GSE1: variants seen among roughly 807,000 people sequenced by gnomAD.
GSE1 encodes the protein genetic suppressor element 1.
GSE1 carries 32 observed loss-of-function variants against 112.6 expected under a neutral mutation model. The observed-to-expected ratio is 0.28, with a 90% CI of 0.21 to 0.38. The LOEUF (loss-of-function observed/expected upper bound fraction) is 0.38, where lower values mean the gene tolerates loss of function less well. Ranked by LOEUF, GSE1 falls within the 10% of genes least tolerant of loss-of-function variation. GSE1 has a pLI of 1.00. For missense variants in GSE1, 2,348 were observed against 1,699.2 expected (o/e 1.38, Z -6.71); for synonymous variants, 1,115 against 735.6 (o/e 1.52, Z -8.35).
At chr16:85,411,048 CA>C (rs767074543) in intron 2 of GSE1, among the ~76,000 whole-genome samples, 3 of 91,018 alleles carry the variant, frequency 3.3e-5, no homozygotes, top group African/African-American at 6.3e-5. Flanking sequence ...ACTCTCAGGC[CA>C]CCCGGATAAT....
At chr16:85,377,874 C>T (rs1264531256) in intron 2 of GSE1, among the ~76,000 whole-genome samples, 1 of 152,254 alleles carries the variant, frequency 6.6e-6, no homozygotes, top group Non-Finnish European at 1.5e-5. Context: ...TCCTCGTCCA[C>T]ACCAGCATCC....
chr16:85,281,698 T>C (rs1158833741), intron 1 of GSE1, among the ~76,000 whole-genome samples: 1 of 152,192 alleles, frequency 6.6e-6, no homozygotes, highest in Non-Finnish European at 1.5e-5. Flanking sequence ...CCAAGGTGCA[T>C]GGACGTGGTT....
rs1275106790 is a variant in GSE1, at chr16:85,311,626, C to T, written c.2284-45837C>T. Among the ~76,000 whole-genome samples the T allele has an allele frequency of 3.9e-5, 6 of 152,158 alleles. No individual in the cohort carries two copies. The South Asian group carries it at 1.2e-3, about 31-fold the overall frequency. On this transcript the variant is annotated intron_variant, in intron 1 of 2. Coordinates refer to the GSE1 transcript ENST00000637419. The surrounding 1 kb of genome is among the most constrained non-coding windows in gnomAD (Gnocchi z 4.2). ...TTCTGCTTCGGTGCCCCTGGGGGTC[C>T]TTCTCCAGGGCCCCTTGGGCTGTGT...
intron 2 of GSE1, among the ~76,000 whole-genome samples, chr16:85,399,691 C>T (rs762411456): frequency 2.6e-5 from 4 of 152,190 alleles, no homozygotes; most frequent in Non-Finnish European, 4.4e-5. Context: ...CTGCCGTAGG[C>T]GTGGGGGATG....
At chr16:85,408,556 C>A (rs1245762974) in intron 2 of GSE1, among the ~76,000 whole-genome samples, 1 of 33,874 alleles carries the variant, frequency 3.0e-5, no homozygotes, top group African/African-American at 1.3e-4. Context: ...TCAGGGCCCC[C>A]CGGATAATCC....
At chr16:85,197,341 G>A (rs1353929550) in intron 1 of GSE1, among the ~76,000 whole-genome samples, 1 of 152,200 alleles carries the variant, frequency 6.6e-6, no homozygotes, top group Non-Finnish European at 1.5e-5. Flanking sequence ...ACTAGCCACA[G>A]AGAGAAGAGC....
chr16:85,499,940 C>G (rs1487948569), intron 2 of GSE1, among the ~76,000 whole-genome samples: 1 of 152,214 alleles, frequency 6.6e-6, no homozygotes, highest in Admixed American at 6.5e-5. Flanking sequence ...GGAGACGTTT[C>G]TTCATTTGGA....
rs1386212129 is a variant in GSE1, at chr16:85,525,357, A to C, written c.2465-108557A>C. Among the ~76,000 whole-genome samples, 4 of 141,992 alleles carry C rather than the reference A, an allele frequency of 2.8e-5. No homozygotes were observed. The East Asian group carries it at 7.8e-4, about 28-fold the overall frequency. 93.2% of individuals were successfully genotyped at this position (141,992 alleles called of 152,430 possible). A position where few individuals can be genotyped will look rare whatever the true frequency, so the allele number is the denominator to read the frequency against. ...GGCCCAGTGCGGCTGGCTCAGCCCG[A>C]GGGAAGGGCGGCTGTGGGAGAGCAG... On this transcript the variant is annotated intron_variant, in intron 2 of 2. Coordinates refer to the GSE1 transcript ENST00000637419.
intron 1 of GSE1, among the ~76,000 whole-genome samples, chr16:85,242,963 C>T (rs1051297906): frequency 2.6e-5 from 4 of 152,154 alleles, no homozygotes; most frequent in African/African-American, 4.8e-5. Flanking sequence ...AGGTGCACAC[C>T]ACCAAGTCCA....
intron 2 of GSE1, among the ~76,000 whole-genome samples, chr16:85,423,005 C>G (rs895773366): frequency 1.3e-5 from 2 of 152,224 alleles, no homozygotes; most frequent in Non-Finnish European, 2.9e-5. Flanking sequence ...GTAAACACCA[C>G]TACTCCCAGC....
At chr16:85,494,021 C>G (rs1330135385) in intron 2 of GSE1, among the ~76,000 whole-genome samples, 1 of 152,218 alleles carries the variant, frequency 6.6e-6, no homozygotes, top group Non-Finnish European at 1.5e-5. Flanking sequence ...GAGTTTGAGG[C>G]TACAGTCACA....
chr16:85,666,636 G>A (rs2052885762), intron 13 of GSE1: 1 of 424,564 alleles, frequency 2.4e-6, no homozygotes, highest in Non-Finnish European at 4.2e-6. Flanking sequence ...AACGCCGACA[G>A]GCATTGGTTT....
At chr16:85,305,559 C>T (rs2045655755) in intron 1 of GSE1, among the ~76,000 whole-genome samples, 2 of 152,248 alleles carry the variant, frequency 1.3e-5, no homozygotes, top group Middle Eastern at 3.4e-3. Flanking sequence ...CAGCTCACTG[C>T]AACCTCCGCC....
At chr16:85,579,676 G>T (rs2046370790) in intron 1 of GSE1, among the ~76,000 whole-genome samples, 1 of 152,226 alleles carries the variant, frequency 6.6e-6, no homozygotes, top group Admixed American at 6.5e-5. Context: ...TTCCTAGTCA[G>T]AGTCCTCCAA....
chr16:85,179,252 C>G (rs1040185866), intron 1 of GSE1, among the ~76,000 whole-genome samples: 1 of 152,182 alleles, frequency 6.6e-6, no homozygotes, highest in African/African-American at 2.4e-5. Flanking sequence ...GTGGAATCAT[C>G]TAATTCGTGC....
At chr16:85,410,921 CT>C (rs761826705) in intron 2 of GSE1, among the ~76,000 whole-genome samples, 2,243 of 39,940 alleles carry the variant, frequency 0.056, 1 homozygote, top group East Asian at 0.092. Flanking sequence ...CAGGGCCCCC[CT>C]GGATAATCCT....
intron 2 of GSE1, among the ~76,000 whole-genome samples, chr16:85,482,636 ACAGAT>A (rs1252902495): frequency 1.3e-5 from 2 of 152,196 alleles, no homozygotes; most frequent in African/African-American, 4.8e-5. Flanking sequence ...GCTTGTATGT[ACAGAT>A]CAGGCACCCC....
intron 1 of GSE1, among the ~76,000 whole-genome samples, chr16:85,220,385 C>T (rs2075370615): frequency 2.6e-5 from 4 of 152,190 alleles, no homozygotes; most frequent in South Asian, 2.1e-4. Context: ...GGCGAGCGGG[C>T]GGCGGCGCAG....
At chr16:85,670,853 T>TGTG (rs1240421226) in intron 14 of GSE1, 142 bp from the exon 15 acceptor site, 1 of 614,224 alleles carries the variant, frequency 1.6e-6, no homozygotes, top group Non-Finnish European at 3.0e-6. Flanking sequence ...CTGGGAGCAT[T>TGTG]GTGGTCCACA....
Sources: allele counts gnomAD v4.1 joint callset (sites outside exome capture counted in the v4.1 genomes callset), GRCh38; gene constraint gnomAD v4.1.1; non-coding constraint Gnocchi (gnomAD v3.1); transcripts MANE v1.5; gene names NCBI Gene and HGNC (gene_info 2026-07-23, HGNC 2026-07-21).